The following NPAS2 variants were observed in gnomAD, a reference collection of about 807,000 sequenced individuals.
NPAS2 encodes neuronal PAS domain-containing protein 2.
Under a neutral mutation model 107.5 loss-of-function variants are expected in NPAS2, and 23 were observed. The ratio of observed to expected loss-of-function variants is 0.21; its 90% confidence interval spans 0.15 to 0.30. The LOEUF is 0.30. Among genes scored for constraint, NPAS2 ranks in the 10% least tolerant of loss-of-function variants. The probability of loss-of-function intolerance (pLI) is 1.00; values close to 1 mark genes in which losing one functional copy is unlikely to be tolerated. For synonymous variants in NPAS2, 403 were observed against 417.5 expected, an observed-to-expected ratio of 0.97 and a Z score of 0.42; for missense variants, 756 against 1,043.3, an observed-to-expected ratio of 0.72 and a Z score of 3.79.
chr2:100,856,586 TAAAGA>T (rs1678566413), intron 1 of NPAS2, among the ~76,000 whole-genome samples: 1 of 151,990 alleles, frequency 6.6e-6, no homozygotes, highest in Non-Finnish European at 1.5e-5. Flanking sequence ...TTGATGTTTA[TAAAGA>T]AAAGAAGTGG....
At chr2:100,819,163 A>G (rs1178672862), upstream of NPAS2, among the ~76,000 whole-genome samples, 1 of 149,870 alleles carries the variant, frequency 6.7e-6, no homozygotes, top group Non-Finnish European at 1.5e-5. This position sits in a 1 kb window ranked among gnomAD's most constrained non-coding sequence, Gnocchi z 5.8. Flanking sequence ...AAAAAAAAAA[A>G]GGTCACGTAT....
chr2:100,852,305 G>A lies in NPAS2; in HGVS notation c.-23+31891G>A, dbSNP rs903450355. Among the ~76,000 whole-genome samples the A allele has an allele frequency of 4.6e-5, 7 of 152,162 alleles. No individual in the cohort carries two copies. In the East Asian group the frequency reaches 9.6e-4, roughly 21 times the overall value. ...CCAGCTAATCGGGAGGCTGAGGCAG[G>A]AGAATGGCGTGAACCCGGGAGGCAG... On this transcript the variant is annotated intron_variant, in intron 1 of 20. Coordinates refer to ENST00000335681, the MANE Select transcript of NPAS2 (RefSeq NM_002518.4).
At chr2:100,930,141 G>T (rs533287024) in intron 3 of NPAS2, among the ~76,000 whole-genome samples, 6 of 152,284 alleles carry the variant, frequency 3.9e-5, no homozygotes, top group Admixed American at 3.3e-4. Flanking sequence ...AGTGGGTCAG[G>T]CTGGCCTACA....
chr2:100,845,289 G>C (rs1156253735), intron 1 of NPAS2, among the ~76,000 whole-genome samples: 2 of 152,176 alleles, frequency 1.3e-5, no homozygotes, highest in Non-Finnish European at 2.9e-5. Flanking sequence ...TGCAGATAGA[G>C]GTCTGACTTC....
chr2:100,862,212 G>A (rs566831592), intron 1 of NPAS2, among the ~76,000 whole-genome samples: 2 of 152,314 alleles, frequency 1.3e-5, no homozygotes, highest in South Asian at 2.1e-4. Flanking sequence ...AAGTAGATGC[G>A]TAGTTCACAA....
intron 1 of NPAS2, among the ~76,000 whole-genome samples, chr2:100,886,242 A>G (rs1435867477): frequency 6.6e-6 from 1 of 152,178 alleles, no homozygotes; most frequent in Non-Finnish European, 1.5e-5. Flanking sequence ...GCACATTTAA[A>G]GTATGATTCA....
At chr2:100,866,768 A>T (rs1679281082) in intron 1 of NPAS2, among the ~76,000 whole-genome samples, 1 of 152,224 alleles carries the variant, frequency 6.6e-6, no homozygotes. Context: ...TTTTACTGAC[A>T]TTCTATCCAG....
In NPAS2 at chr2:100,988,158, G is replaced by A. The variant is rs778182952; in HGVS notation, c.1709G>A (p.Arg570Lys). 1 of 1,614,222 alleles carries A rather than the reference G, an allele frequency of 6.2e-7. No individual in the cohort carries two copies. Among genetic ancestry groups the A allele is most frequent in the Non-Finnish European group, 8.5e-7 (1 of 1,180,026 alleles). ...GAGGCTCAGCAGCAGCTACAGCAAA[G>A]GTCAGCTGCAGTGACTCAGCCCCAG... ...RPEAQQQLQQ[R>K]SAAVTQPQLG... Residue 570 changes from arginine to lysine, a missense_variant, in exon 17 of 21, where the codon AGG (arginine) becomes AAG (lysine). Physicochemically the swap from Arg to Lys is conservative, Grantham distance 26. Around this residue, in one of 4 missense-constraint regions of NPAS2, gnomAD observed 496 missense variants for 594.4 expected, o/e 0.83. Transcript: ENST00000335681.
Position 100,880,840 on chromosome 2 carries a change from G to C in NPAS2, c.-22-23893G>C, listed in dbSNP as rs564825225. Among the ~76,000 whole-genome samples, 39 of 152,306 alleles carry C rather than the reference G, an allele frequency of 2.6e-4. 1 individual carries two copies. The highest frequency in any genetic ancestry group is 9.4e-4 in the African/African-American group (39 of 41,564). On this transcript the variant is annotated intron_variant, in intron 1 of 20. Coordinates refer to ENST00000335681, the MANE Select transcript of NPAS2 (RefSeq NM_002518.4). Reference sequence around the variant, plus strand: ...ATATGGCAAGAGGAAATGAGTAGAAGCTCCAGGAGCACAGCAGGGAGGAGG... The same window carrying C: ...ATATGGCAAGAGGAAATGAGTAGAACCTCCAGGAGCACAGCAGGGAGGAGG...
At chr2:100,850,740 A>G (rs1294831426) in intron 1 of NPAS2, among the ~76,000 whole-genome samples, 4 of 151,846 alleles carry the variant, frequency 2.6e-5, no homozygotes, top group East Asian at 1.9e-4. Flanking sequence ...ATCACTTGAG[A>G]TCAGGCATTC....
intron 3 of NPAS2, 107 bp downstream of exon 3, chr2:100,925,401 C>T: frequency 2.4e-6 from 3 of 1,227,720 alleles, no homozygotes; most frequent in Non-Finnish European, 3.5e-6. Context: ...CAGCCAGGCC[C>T]AGCCTTACCG....
intron 1 of NPAS2, among the ~76,000 whole-genome samples, chr2:100,841,529 C>T (rs10193688): frequency 0.077 from 11,682 of 152,234 alleles, 754 homozygotes; most frequent in East Asian, 0.33. Context: ...TTAAAACAAG[C>T]ATAATCCCTA....
chr2:100,878,390 C>T, intron 1 of NPAS2: 3 of 985,432 alleles, frequency 3.0e-6, no homozygotes, highest in Non-Finnish European at 2.4e-6. Context: ...AGCTGAGGAC[C>T]TGGAAAACCA....
At chr2:100,822,259 G>C (rs1676115568) in intron 1 of NPAS2, among the ~76,000 whole-genome samples, 1 of 152,150 alleles carries the variant, frequency 6.6e-6, no homozygotes, top group Non-Finnish European at 1.5e-5. Flanking sequence ...ACCAAGTGAG[G>C]CTTTACTAAT....
intron 7 of NPAS2, among the ~76,000 whole-genome samples, chr2:100,953,399 A>C (rs1375246594): frequency 6.6e-6 from 1 of 151,582 alleles, no homozygotes; most frequent in Non-Finnish European, 1.5e-5. Flanking sequence ...AACAAAAAAA[A>C]CACCCTATAA....
intron 1 of NPAS2, among the ~76,000 whole-genome samples, chr2:100,848,294 T>C (rs1677913221): frequency 6.6e-6 from 1 of 152,200 alleles, no homozygotes; most frequent in Non-Finnish European, 1.5e-5. Context: ...TTTCTTAGGG[T>C]GTGATCTTCC....
intron 1 of NPAS2, among the ~76,000 whole-genome samples, chr2:100,843,988 A>G (rs1677610715): frequency 6.6e-6 from 1 of 152,026 alleles, no homozygotes; most frequent in African/African-American, 2.4e-5. Flanking sequence ...AGATACACCA[A>G]GAAGAGGTGA....
chr2:100,942,398 AGCTCCCATCTGATT>A (rs993237931), intron 5 of NPAS2, among the ~76,000 whole-genome samples: 6 of 150,924 alleles, frequency 4.0e-5, no homozygotes, highest in African/African-American at 1.5e-4. Flanking sequence ...ACCTGCTGGA[AGCTCCCATCTGATT>A]GATCCACATC....
chr2:100,964,846 C>G lies in NPAS2; in HGVS notation c.718-15C>G, dbSNP rs760790265. On this transcript the variant is annotated splice_polypyrimidine_tract_variant and intron_variant, in intron 8 of 20. Coordinates refer to ENST00000335681, the MANE Select transcript of NPAS2 (RefSeq NM_002518.4). ...CACCCAAGCAACTTTTTTTTTTTTTCTGCTTCCAATACAGGAAATGTGCAT... is the reference window on the plus strand; with the variant it reads ...CACCCAAGCAACTTTTTTTTTTTTTGTGCTTCCAATACAGGAAATGTGCAT... The G allele has an allele frequency of 7.0e-7, 1 of 1,433,924 alleles. No homozygotes were observed. The highest frequency in any genetic ancestry group is 9.2e-7 in the Non-Finnish European group (1 of 1,085,648). 88.8% of individuals were successfully genotyped at this position (1,433,924 alleles called of 1,614,324 possible).
Sources: gnomAD v4.1 joint callset for allele counts (sites outside exome capture counted in the v4.1 genomes callset) on GRCh38, gnomAD v4.1.1 for gene constraint, gnomAD v4.1.1 regional missense constraint, Gnocchi (gnomAD v3.1) non-coding constraint, MANE v1.5 for transcripts, NCBI Gene and HGNC (gene_info 2026-07-23, HGNC 2026-07-21) for gene names.